The following SNRNP35 variants were observed in gnomAD, a reference collection of about 807,000 sequenced individuals.
SNRNP35 encodes U11/U12 small nuclear ribonucleoprotein 35 kDa protein.
Under a neutral mutation model 24.3 loss-of-function variants are expected in SNRNP35, and 16 were observed. That is an observed-to-expected ratio of 0.66 (90% confidence interval 0.45 to 1.00). SNRNP35 has a LOEUF of 1.00. Among genes scored for constraint, SNRNP35 ranks in the 50% least tolerant of loss-of-function variants. SNRNP35 has a pLI of 0.00. For missense variants in SNRNP35, 292 were observed against 327.2 expected, an observed-to-expected ratio of 0.89 and a Z score of 0.83; for synonymous variants, 106 against 124.8, an observed-to-expected ratio of 0.85 and a Z score of 1.00.
Position 123,465,791 on chromosome 12 carries a change from G to A in SNRNP35, c.251G>A (p.Arg84Lys), listed in dbSNP as rs763435326. Residue 84 changes from arginine to lysine, a missense_variant, in exon 2 of 2, where the codon AGG becomes AAG. Transcript: ENST00000526639. The surrounding 1 kb of genome is among the most constrained non-coding windows in gnomAD (Gnocchi z 4.2). ...GACATCCGGCGGCTTCGGCTGGTCA[G>A]GGACTTGGTCACAGGTTTTTCAAAG... ...YGDIRRLRLV[R>K]DLVTGFSKGY... 6.2e-7 allele frequency: 1 copy of A among 1,614,130 alleles called. No individual in the cohort carries two copies. Among genetic ancestry groups the A allele is most frequent in the Non-Finnish European group, 8.5e-7 (1 of 1,180,032 alleles).
At chr12:123,464,152 C>T (rs1193909980) in intron 1 of SNRNP35, among the ~76,000 whole-genome samples, 3 of 151,202 alleles carry the variant, frequency 2.0e-5, no homozygotes, top group Non-Finnish European at 2.9e-5. Context: ...AGGCTGGTCT[C>T]GAACTCCTGA....
Position 123,465,508 on chromosome 12 carries a change from T to C in SNRNP35, c.-3-30T>C, listed in dbSNP as rs1465474633. The C allele has an allele frequency of 3.3e-6, 5 of 1,520,146 alleles. No homozygotes were observed. Among genetic ancestry groups the C allele is most frequent in the Non-Finnish European group, 4.4e-6 (5 of 1,134,658 alleles). The allele number at this position is 1,520,146 out of a possible 1,614,324, so 94.2% of individuals were successfully genotyped here. A position where few individuals can be genotyped will look rare whatever the true frequency, so the allele number is the denominator to read the frequency against. ...TGAATGAGTGGCTCAGAGTAGAGGC[T>C]CCATCCACGCTTGCTCTTATCATTC... is the stretch of plus-strand genomic sequence containing the variant. On this transcript the variant is annotated intron_variant, in intron 1 of 1. Coordinates refer to ENST00000526639, the MANE Select transcript of SNRNP35 (RefSeq NM_022717.4). This position sits in a 1 kb window ranked among gnomAD's most constrained non-coding sequence, Gnocchi z 4.2.
intron 1 of SNRNP35, among the ~76,000 whole-genome samples, chr12:123,460,844 G>A (rs1473295006): frequency 1.3e-5 from 2 of 151,692 alleles, no homozygotes; most frequent in African/African-American, 4.8e-5. Context: ...TTTCAATAGA[G>A]ACGGGGTTAC....
chr12:123,467,974 C>G (rs564091973), downstream of SNRNP35, among the ~76,000 whole-genome samples: 1 of 152,262 alleles, frequency 6.6e-6, no homozygotes, highest in South Asian at 2.1e-4. Context: ...ATTAGGGAAG[C>G]CTTGTGAGAT....
At chr12:123,459,828 A>G (rs1263611255) in intron 1 of SNRNP35, 13 of 1,573,436 alleles carry the variant, frequency 8.3e-6, no homozygotes, top group African/African-American at 1.4e-5. Flanking sequence ...AGATTGTTGT[A>G]GGAAATCTCA....
At chr12:123,458,249 C>G in intron 1 of SNRNP35, 33 bp downstream of exon 1, 1 of 984,992 alleles carries the variant, frequency 1.0e-6, no homozygotes, top group Non-Finnish European at 1.2e-6. Context: ...GAGCGGGCCC[C>G]ACGCCGGAGA....
chr12:123,470,461 A>C, downstream of SNRNP35: 1 of 113,186 alleles, frequency 8.8e-6, no homozygotes. Flanking sequence ...TGACAGAGTG[A>C]GACCCTGTGT....
At chr12:123,473,131 A>G in exon 2 of SNRNP35, 1 of 173,854 alleles carries the variant, frequency 5.8e-6, no homozygotes, top group Non-Finnish European at 1.3e-5. Flanking sequence ...GTATTTGTTT[A>G]ATGTCAGTCA....
chr12:123,463,211 C>T (rs756441180), intron 1 of SNRNP35, among the ~76,000 whole-genome samples: 3 of 151,980 alleles, frequency 2.0e-5, no homozygotes, highest in Admixed American at 6.6e-5. Flanking sequence ...CAGGCGTGCA[C>T]CACCATGCCT....
At chr12:123,458,519 G>A (rs938419250) in intron 1 of SNRNP35, among the ~76,000 whole-genome samples, 15 of 152,082 alleles carry the variant, frequency 9.9e-5, no homozygotes, top group African/African-American at 3.6e-4. Context: ...TTGCCTCCGA[G>A]GCCCACTGCG....
At chr12:123,459,306 A>C (rs934947059) in intron 1 of SNRNP35, 1 of 152,428 alleles carries the variant, frequency 6.6e-6, no homozygotes, top group African/African-American at 2.4e-5. Flanking sequence ...CATATGATCT[A>C]ATCTTCACAA....
chr12:123,472,352 C>T, exon 2 of SNRNP35: 1 of 594,514 alleles, frequency 1.7e-6, no homozygotes, highest in Non-Finnish European at 2.9e-6. Context: ...TATAAATAAA[C>T]ATTTCTTTAG....
At chr12:123,460,998 G>T (rs1451653921) in intron 1 of SNRNP35, among the ~76,000 whole-genome samples, 2 of 140,828 alleles carry the variant, frequency 1.4e-5, no homozygotes, top group Non-Finnish European at 3.0e-5. Context: ...CAGAGACAGG[G>T]TCTCACCATG....
intron 1 of SNRNP35, among the ~76,000 whole-genome samples, chr12:123,463,503 G>T (rs144015161): frequency 2.0e-5 from 3 of 150,696 alleles, no homozygotes; most frequent in Admixed American, 6.6e-5. Context: ...TCAACCTCCC[G>T]AGTAGCTGCG....
At position 123,458,777 on chromosome 12, in the gene SNRNP35, C is replaced by G. The variant is rs541304523; in HGVS notation, c.-4+561C>G. ...CGCCCTGCTAATTTTTTGTATTTTA[C>G]TGGAGACGGGGTTTCACCATGTTAG... On this transcript the variant is annotated intron_variant, in intron 1 of 1. Transcript: ENST00000526639. Among the ~76,000 whole-genome samples, 82 of 151,540 alleles carry G rather than the reference C, an allele frequency of 5.4e-4. 1 individual carries two copies. The South Asian group carries it at 0.017, about 31-fold the overall frequency.
downstream of SNRNP35, among the ~76,000 whole-genome samples, chr12:123,467,926 T>A (rs1398643292): frequency 6.6e-6 from 1 of 152,196 alleles, no homozygotes; most frequent in Non-Finnish European, 1.5e-5. Context: ...TGTTGTGGGC[T>A]AGGGTTGGTA....
downstream of SNRNP35, chr12:123,471,770 A>G (rs1881202954): frequency 1.3e-5 from 2 of 152,650 alleles, no homozygotes; most frequent in African/African-American, 4.8e-5. Flanking sequence ...TGAATCCTAA[A>G]AGGAAAAAAA....
intron 1 of SNRNP35, chr12:123,459,935 G>C: frequency 5.4e-5 from 73 of 1,340,036 alleles, no homozygotes; most frequent in Non-Finnish European, 7.0e-5. Context: ...ATGAGAGAGA[G>C]AACAAAATCC....
chr12:123,461,995 C>T (rs1382637633), intron 1 of SNRNP35, among the ~76,000 whole-genome samples: 2 of 152,188 alleles, frequency 1.3e-5, no homozygotes, highest in African/African-American at 2.4e-5. Flanking sequence ...GCTGGGATTA[C>T]TGGCGTGAGC....
Sources: allele counts gnomAD v4.1 joint callset (sites outside exome capture counted in the v4.1 genomes callset), GRCh38; gene constraint gnomAD v4.1.1; non-coding constraint Gnocchi (gnomAD v3.1); transcripts MANE v1.5; gene names NCBI Gene and HGNC (gene_info 2026-07-23, HGNC 2026-07-21).